Variants in SUN1 observed in about 807,000 individuals in gnomAD.
SUN1 encodes the protein Sad1 and UNC84 domain containing 1.
Under a neutral mutation model 103.2 loss-of-function variants are expected in SUN1, and 61 were observed. The ratio of observed to expected loss-of-function variants is 0.59; its 90% CI spans 0.48 to 0.73. The LOEUF (loss-of-function observed/expected upper bound fraction) is 0.73, where lower values mean the gene tolerates loss of function less well. SUN1 is among the 30% of genes least tolerant of loss of function. The pLI is 0.00. For missense variants in SUN1, 1,052 were observed against 1,034.6 expected (o/e 1.02, Z -0.23); for synonymous variants, 490 against 425.7 (o/e 1.15, Z -1.86).
intron 2 of SUN1, among the ~76,000 whole-genome samples, chr7:841,292 G>A (rs916661035): frequency 8.4e-5 from 12 of 142,158 alleles, no homozygotes; most frequent in Non-Finnish European, 1.5e-4. Context: ...CACCCAGGCT[G>A]GAGTGCAGTG....
chr7:824,853 G>A (rs531658713), intron 1 of SUN1, among the ~76,000 whole-genome samples: 4 of 152,186 alleles, frequency 2.6e-5, no homozygotes, highest in African/African-American at 7.2e-5. Flanking sequence ...CCAGAGCAGG[G>A]CGGGTGCGGG....
upstream of SUN1, among the ~76,000 whole-genome samples, chr7:831,197 C>G (rs959699435): frequency 6.6e-6 from 1 of 151,896 alleles, no homozygotes; most frequent in African/African-American, 2.4e-5. Flanking sequence ...CAAGTGTGAA[C>G]TGGACTTGCC....
chr7:840,438 T>C (rs1584495085), intron 2 of SUN1, among the ~76,000 whole-genome samples: 3 of 152,320 alleles, frequency 2.0e-5, no homozygotes, highest in African/African-American at 7.2e-5. Flanking sequence ...GCCACGCTCC[T>C]GTGGCCGTCG....
intron 15 of SUN1, among the ~76,000 whole-genome samples, chr7:863,760 C>T (rs1162976882): frequency 6.6e-6 from 1 of 152,164 alleles, no homozygotes; most frequent in African/African-American, 2.4e-5. Context: ...CAATCGGATG[C>T]TTTATTCTTC....
chr7:850,917 C>G (rs1821466417), intron 5 of SUN1: 1 of 153,216 alleles, frequency 6.5e-6, no homozygotes. Flanking sequence ...CACTGTTTCA[C>G]TAGAAAATAT....
At chr7:873,186 T>C (rs1842898787) in intron 18 of SUN1, 29 bp from the exon 19 acceptor site, 2 of 1,588,894 alleles carry the variant, frequency 1.3e-6, no homozygotes, top group East Asian at 2.2e-5. Context: ...ATGAAATACA[T>C]GTGTGTGTTT....
rs190683871 is a variant in SUN1, at chr7:820,036, G to A, written c.-74+3363G>A. Reference sequence around the variant, plus strand: ...GTCCTCCAACTTTGCTTTTCTTCTGGAAGATTTTTTACTATTTGGGACCCA... The same window carrying A: ...GTCCTCCAACTTTGCTTTTCTTCTGAAAGATTTTTTACTATTTGGGACCCA... On this transcript the variant is annotated intron_variant, in intron 1 of 17. Coordinates refer to the SUN1 transcript ENST00000389574. 1.2e-4 allele frequency among the ~76,000 whole-genome samples: 19 copies of A among 152,190 alleles called. No homozygotes were observed. In the East Asian group the frequency reaches 3.7e-3, roughly 29 times the overall value.
intron 3 of SUN1, 104 bp downstream of exon 3, chr7:842,234 T>G (rs1810761992): frequency 7.8e-7 from 1 of 1,281,512 alleles, no homozygotes; most frequent in East Asian, 2.5e-5. Flanking sequence ...TTTGCATGGA[T>G]TATGCTAGGG....
At position 852,660 on chromosome 7, in the gene SUN1, T is replaced by C; in HGVS notation, c.903T>C (p.Leu301=). 1 of 1,614,182 alleles carries C rather than the reference T, an allele frequency of 6.2e-7. No homozygotes were observed. The highest frequency in any genetic ancestry group is 1.3e-5 in the African/African-American group (1 of 75,042). ...KFLVLLIPLF[L]LLAGLSLRGQ... ...TAGTCTTGCTCATCCCACTCTTCCT[T>C]TTACTAGGTAAGTCAAATCTGGCTG... Residue 301 remains leucine (L), a synonymous_variant, in exon 8 of 19, where the codon CTT becomes CTC. Coordinates refer to ENST00000401592, the MANE Select transcript of SUN1 (RefSeq NM_001130965.3).
intron 15 of SUN1, among the ~76,000 whole-genome samples, chr7:862,902 A>C (rs1323375631): frequency 1.3e-5 from 2 of 152,226 alleles, no homozygotes; most frequent in East Asian, 3.8e-4. Flanking sequence ...CTGTAATCCC[A>C]GCACTTTAGG....
chr7:867,146 G>A (rs951794883), intron 16 of SUN1, among the ~76,000 whole-genome samples: 4 of 152,204 alleles, frequency 2.6e-5, no homozygotes, highest in East Asian at 1.9e-4. Flanking sequence ...CTGCCCCGGC[G>A]GAACTGTCCG....
Position 832,534 on chromosome 7 carries a change from TC to T in SUN1, c.11del (p.Ser4PhefsTer80). Reference protein sequence around the residue: MDFSRLHMYSPPQC... With the variant: MDFXRLHMYSPPQC... ...GTTTGAAGTGGTGAACATGGATTTT[TC>T]TCGGCTTCACATGTACAGTCCTCCC... On this transcript the variant is annotated frameshift_variant, in exon 1 of 19. Transcript: ENST00000401592. LOFTEE classifies it high-confidence loss of function. 1 of 1,613,414 alleles carries T rather than the reference TC, an allele frequency of 6.2e-7. No individual in the cohort carries two copies. The highest frequency in any genetic ancestry group is 8.5e-7 in the Non-Finnish European group (1 of 1,179,650).
At chr7:837,067 G>A (rs1003786246) in intron 1 of SUN1, among the ~76,000 whole-genome samples, 3 of 152,246 alleles carry the variant, frequency 2.0e-5, no homozygotes, top group African/African-American at 7.2e-5. Context: ...GCAACATGGT[G>A]AGCTTGGGAG....
intron 5 of SUN1, among the ~76,000 whole-genome samples, chr7:850,931 C>T (rs1380321372): frequency 1.3e-5 from 2 of 152,140 alleles, no homozygotes; most frequent in Admixed American, 1.3e-4. Context: ...AAAATATTAG[C>T]CTTTAGAATA....
chr7:851,756 A>T, intron 6 of SUN1, 194 bp from the exon 7 acceptor site: 1 of 636,698 alleles, frequency 1.6e-6, no homozygotes, highest in Non-Finnish European at 2.7e-6. Flanking sequence ...CCTCTCCTGC[A>T]TTCTGTCCTG....
chr7:822,732 A>G (rs1313647379), intron 1 of SUN1, among the ~76,000 whole-genome samples: 4 of 152,196 alleles, frequency 2.6e-5, no homozygotes, highest in African/African-American at 4.8e-5. Context: ...AACATGTAAG[A>G]CCGTGAGACT....
chr7:869,445 C>G lies in SUN1; in HGVS notation c.2077C>G (p.Leu693Val). 1 of 1,613,962 alleles carries G rather than the reference C, an allele frequency of 6.2e-7. No individual in the cohort carries two copies. The highest frequency in any genetic ancestry group is 8.5e-7 in the Non-Finnish European group (1 of 1,179,906). ...SMMIHPAAFT[L>V]EHIPKTLSPT... ...GATGATCCACCCAGCCGCCTTCACT[C>G]TGGAGCACATCCCTAAGACGCTGTC... The change falls in exon 17 of 19, where the codon CTG becomes GTG. Residue 693 changes from leucine to valine, a missense_variant. Transcript: ENST00000401592.
chr7:844,125 G>A lies in SUN1; in HGVS notation c.658+605G>A, dbSNP rs865935920. On this transcript the variant is annotated intron_variant, in intron 5 of 18. Coordinates refer to ENST00000401592, the MANE Select transcript of SUN1 (RefSeq NM_001130965.3). ...AAGAGTGTGGGTGTCACCGCGGGGG[G>A]CCTCCTCCTGGGCCTGCAGGAGAGA... Among the ~76,000 whole-genome samples the A allele has an allele frequency of 4.6e-5, 7 of 152,284 alleles. No homozygotes were observed. The South Asian group carries it at 1.2e-3, about 27-fold the overall frequency.
intron 5 of SUN1, chr7:850,279 G>C (rs1820641587): frequency 2.2e-6 from 1 of 464,674 alleles, no homozygotes; most frequent in Admixed American, 3.8e-5. Flanking sequence ...GCTCACTGCA[G>C]CCTCCACCTC....
Sources: gnomAD v4.1 joint callset for allele counts (sites outside exome capture counted in the v4.1 genomes callset) on GRCh38, gnomAD v4.1.1 for gene constraint, MANE v1.5 for transcripts, NCBI Gene and HGNC (gene_info 2026-07-23, HGNC 2026-07-21) for gene names.